ELF5: variants seen among roughly 807,000 people sequenced by gnomAD.
The protein encoded by ELF5 is ETS-related transcription factor Elf-5.
In ELF5, 31 loss-of-function variants were observed where a neutral mutation model predicts 38.2. The ratio of observed to expected loss-of-function variants is 0.81; its 90% CI spans 0.61 to 1.10. The LOEUF (loss-of-function observed/expected upper bound fraction) is 1.10, where lower values mean the gene tolerates loss of function less well. Among genes scored for constraint, ELF5 ranks in the 50% least tolerant of loss-of-function variants. The pLI is 0.00. For synonymous variants in ELF5, 121 were observed against 112.5 expected (o/e 1.08, Z -0.48); for missense variants, 300 against 306.6 (o/e 0.98, Z 0.16).
Position 34,482,454 on chromosome 11 carries a change from T to C in ELF5, c.452A>G (p.Asp151Gly), listed in dbSNP as rs1367110545. The C allele has an allele frequency of 2.5e-6, 4 of 1,612,474 alleles. No homozygotes were observed. The African/African-American group carries it at 4.0e-5, about 16-fold the overall frequency. The change falls in exon 5 of 7, where the codon GAC becomes GGC. Residue 151 changes from aspartate to glycine, a missense_variant. By Grantham distance (94) the Asp-to-Gly change is moderately conservative (BLOSUM62 -1). Coordinates refer to ENST00000257832, the MANE Select transcript of ELF5 (RefSeq NM_001422.4). ...CLKTSGIKSQ[D>G]CHSHSRTSLQ... Reference sequence around the variant, plus strand: ...ACTTGTTCTACTATGACTGTGACAGTCTTGACTTTTGATGCCACTTGTTTT... The same window carrying C: ...ACTTGTTCTACTATGACTGTGACAGCCTTGACTTTTGATGCCACTTGTTTT...
intron 1 of ELF5, among the ~76,000 whole-genome samples, chr11:34,510,646 G>A (rs1850729041): frequency 6.6e-6 from 1 of 152,130 alleles, no homozygotes; most frequent in African/African-American, 2.4e-5. Context: ...GGGTGATATT[G>A]CCCCCCTCTT....
At position 34,479,501 on chromosome 11, in the gene ELF5, T is replaced by C. The variant is rs746211387; in HGVS notation, c.*717A>G. The C allele has an allele frequency of 6.6e-6, 1 of 152,248 alleles. No homozygotes were observed. The highest frequency in any genetic ancestry group is 1.5e-5 in the Non-Finnish European group (1 of 68,060). The allele number at this position is 152,248 out of a possible 1,614,324, so 9.4% of individuals were successfully genotyped here. A position where few individuals can be genotyped will look rare whatever the true frequency, so the allele number is the denominator to read the frequency against. On this transcript the variant is annotated 3_prime_UTR_variant, in exon 7 of 7. Coordinates refer to ENST00000257832, the MANE Select transcript of ELF5 (RefSeq NM_001422.4). The stretch of plus-strand genomic sequence containing the variant: ...GATGCTCTGGTTAGGAAACTTTCTG[T>C]GAACCTATGTTAAATCCAATTAAGT...
intron 4 of ELF5, among the ~76,000 whole-genome samples, chr11:34,485,361 C>A (rs1281176688): frequency 2.6e-5 from 4 of 152,158 alleles, no homozygotes; most frequent in African/African-American, 9.7e-5. Context: ...CTCAACCTTC[C>A]CCACCCTTAT....
chr11:34,505,778 G>A (rs572194784), intron 1 of ELF5, 25 bp from the exon 2 acceptor site: 3 of 1,609,326 alleles, frequency 1.9e-6, no homozygotes, highest in South Asian at 1.1e-5. Flanking sequence ...GAGGTCGTGA[G>A]GAGGCTGGGG....
intron 2 of ELF5, among the ~76,000 whole-genome samples, chr11:34,498,167 A>G (rs908248566): frequency 1.3e-5 from 2 of 152,184 alleles, no homozygotes; most frequent in African/African-American, 4.8e-5. Context: ...AAATAAAAAT[A>G]ATAGGACCTA....
chr11:34,485,985 C>T (rs1317975229), intron 4 of ELF5, among the ~76,000 whole-genome samples: 1 of 152,150 alleles, frequency 6.6e-6, no homozygotes, highest in Non-Finnish European at 1.5e-5. Flanking sequence ...AGACATGGCC[C>T]AGGCTCTCTG....
intron 1 of ELF5, among the ~76,000 whole-genome samples, chr11:34,506,601 C>T (rs567883844): frequency 2.0e-5 from 3 of 152,194 alleles, no homozygotes; most frequent in Admixed American, 6.5e-5. Flanking sequence ...GCAACCTCTG[C>T]CTCCTGGGTT....
At chr11:34,493,260 T>A in intron 3 of ELF5, 1 of 606,284 alleles carries the variant, frequency 1.6e-6, no homozygotes, top group Non-Finnish European at 2.9e-6. Flanking sequence ...CTTTCTCTTT[T>A]TTTAAATGCA....
At chr11:34,490,509 C>T (rs1478139843) in intron 3 of ELF5, among the ~76,000 whole-genome samples, 2 of 152,186 alleles carry the variant, frequency 1.3e-5, no homozygotes, top group African/African-American at 2.4e-5. Context: ...CTGACATGGC[C>T]TCTAATCCCT....
At chr11:34,486,418 C>A (rs950769850) in intron 4 of ELF5, among the ~76,000 whole-genome samples, 3 of 152,144 alleles carry the variant, frequency 2.0e-5, no homozygotes, top group South Asian at 2.1e-4. Context: ...GTCTGGGCAC[C>A]TTCAGTGGGC....
At chr11:34,497,809 A>T (rs1489862360) in intron 2 of ELF5, among the ~76,000 whole-genome samples, 1 of 152,216 alleles carries the variant, frequency 6.6e-6, no homozygotes, top group Non-Finnish European at 1.5e-5. Context: ...GCCCAGTCAA[A>T]ATGTCTTCAT....
Position 34,493,329 on chromosome 11 carries a change from C to G in ELF5, c.355+150G>C, listed in dbSNP as rs1850225112. 4.0e-6 allele frequency: 3 copies of G among 752,028 alleles called. No individual in the cohort carries two copies. The Admixed American group carries it at 7.2e-5, about 18-fold the overall frequency. The allele number at this position is 752,028 out of a possible 1,614,324, so 46.6% of individuals were successfully genotyped here. ...CCCTAAAATCCCCAATTCTGGCATACTAGCTTCCAGTTATTGAAGGTTTGG... is the reference window on the plus strand; with the variant it reads ...CCCTAAAATCCCCAATTCTGGCATAGTAGCTTCCAGTTATTGAAGGTTTGG... On this transcript the variant is annotated intron_variant, in intron 3 of 6. Coordinates refer to ENST00000257832, the MANE Select transcript of ELF5 (RefSeq NM_001422.4).
chr11:34,508,039 T>C (rs1850652079), intron 1 of ELF5, among the ~76,000 whole-genome samples: 1 of 152,214 alleles, frequency 6.6e-6, no homozygotes, highest in Non-Finnish European at 1.5e-5. Context: ...AGGAAAACTT[T>C]ATATTAGCAA....
intron 4 of ELF5, among the ~76,000 whole-genome samples, chr11:34,489,443 T>A (rs939394725): frequency 6.6e-6 from 1 of 152,146 alleles, no homozygotes; most frequent in Non-Finnish European, 1.5e-5. Context: ...CTAATAGTAA[T>A]CATCATTGTC....
At chr11:34,501,205 C>A (rs768400365) in intron 2 of ELF5, among the ~76,000 whole-genome samples, 1 of 152,158 alleles carries the variant, frequency 6.6e-6, no homozygotes, top group African/African-American at 2.4e-5. Flanking sequence ...GAGAAGCATG[C>A]TTAGGGATGG....
chr11:34,511,462 A>G, intron 1 of ELF5: 1 of 1,582,616 alleles, frequency 6.3e-7, no homozygotes, highest in Admixed American at 1.7e-5. Flanking sequence ...CCTAGTAAGT[A>G]GGAAAAGCTC....
intron 1 of ELF5, among the ~76,000 whole-genome samples, chr11:34,513,472 C>T (rs567357915): frequency 2.6e-5 from 4 of 152,342 alleles, no homozygotes; most frequent in African/African-American, 9.6e-5. Context: ...GGCTGGTGGC[C>T]ACACGGCCTG....
intron 2 of ELF5, among the ~76,000 whole-genome samples, chr11:34,501,375 A>G (rs1056533954): frequency 2.6e-5 from 4 of 152,298 alleles, no homozygotes; most frequent in African/African-American, 9.6e-5. Flanking sequence ...ATTCCAAAGC[A>G]AAGGAGGCGC....
At chr11:34,482,280 G>A (rs371232560) in intron 5 of ELF5, 151 bp downstream of exon 5, 8 of 714,050 alleles carry the variant, frequency 1.1e-5, no homozygotes, top group African/African-American at 5.3e-5. Context: ...TTGATAATAC[G>A]TATAAAAGCA....
Sources: gnomAD v4.1 joint callset for allele counts (sites outside exome capture counted in the v4.1 genomes callset) on GRCh38, gnomAD v4.1.1 for gene constraint, MANE v1.5 for transcripts, NCBI Gene and HGNC (gene_info 2026-07-23, HGNC 2026-07-21) for gene names.